Variants in EFHC2 observed in about 807,000 individuals in gnomAD.
EFHC2 encodes EF-hand domain-containing family member C2.
Under a neutral mutation model 52.7 loss-of-function variants are expected in EFHC2, and 18 were observed. The observed-to-expected ratio is 0.34, with a 90% CI of 0.24 to 0.51. The LOEUF (loss-of-function observed/expected upper bound fraction) is 0.51, where lower values mean the gene tolerates loss of function less well. EFHC2 is among the 20% of genes least tolerant of loss of function. The pLI is 0.97. For synonymous variants in EFHC2, 203 were observed against 204.1 expected (o/e 0.99, Z 0.04); for missense variants, 513 against 562.5 (o/e 0.91, Z 0.89).
intron 11 of EFHC2, among the ~76,000 whole-genome samples, chrX:44,195,706 T>TA (rs2147292132): frequency 9.0e-6 from 1 of 111,133 alleles, no homozygotes; most frequent in South Asian, 3.9e-4. Context: ...TATTTTCTTC[T>TA]AGGGAATACT....
At chrX:44,324,568 A>G (rs113984894) in intron 1 of EFHC2, among the ~76,000 whole-genome samples, 3,517 of 109,958 alleles carry the variant, frequency 0.032, 139 homozygotes, top group African/African-American at 0.11. Context: ...ACCCCTGCAT[A>G]CACACACACA....
chrX:44,328,009 T>A (rs143447406), intron 1 of EFHC2, among the ~76,000 whole-genome samples: 288 of 111,938 alleles, frequency 2.6e-3, no homozygotes, highest in African/African-American at 9.2e-3. Context: ...ATCTTTCTCA[T>A]AAGGCTATGA....
intron 14 of EFHC2, among the ~76,000 whole-genome samples, chrX:44,155,516 T>C (rs1449413825): frequency 8.9e-6 from 1 of 112,381 alleles, no homozygotes; most frequent in Non-Finnish European, 1.9e-5. Flanking sequence ...GGCCACCAGA[T>C]GCATGAGGGG....
chrX:44,284,912 A>G (rs966750423), intron 2 of EFHC2: 5 of 112,126 alleles, frequency 4.5e-5, no homozygotes, highest in African/African-American at 1.6e-4. Context: ...CTCTTCAGGG[A>G]GTGACTGGTC....
chrX:44,343,259 G>C (rs766804608), intron 1 of EFHC2, among the ~76,000 whole-genome samples: 1 of 111,568 alleles, frequency 9.0e-6, no homozygotes, highest in South Asian at 3.8e-4. Flanking sequence ...AAAGCACAGC[G>C]CCTGGCACAC....
At chrX:44,217,918 C>T (rs1438355273) in intron 11 of EFHC2, among the ~76,000 whole-genome samples, 1 of 111,766 alleles carries the variant, frequency 8.9e-6, no homozygotes, top group African/African-American at 3.3e-5. Flanking sequence ...GATTATTATG[C>T]ATTGCATGCC....
intron 1 of EFHC2, among the ~76,000 whole-genome samples, chrX:44,325,536 G>A (rs892259040): frequency 9.1e-6 from 1 of 109,736 alleles, no homozygotes; most frequent in Non-Finnish European, 1.9e-5. Flanking sequence ...AAATTGGAAG[G>A]GCAATTTTAT....
chrX:44,312,806 T>A, intron 1 of EFHC2, 50 bp from the exon 2 acceptor site: 1 of 1,051,656 alleles, frequency 9.5e-7, no homozygotes, highest in Non-Finnish European at 1.2e-6. Flanking sequence ...TCTTTATGAC[T>A]TTTCTAACCT....
At chrX:44,295,611 G>A (rs1393700266) in intron 2 of EFHC2, among the ~76,000 whole-genome samples, 1 of 110,937 alleles carries the variant, frequency 9.0e-6, no homozygotes, top group East Asian at 2.9e-4. Flanking sequence ...ATTGAAGGCA[G>A]GGATGCCTTC....
chrX:44,161,502 G>C (rs1183377292), intron 14 of EFHC2, among the ~76,000 whole-genome samples: 1 of 111,452 alleles, frequency 9.0e-6, no homozygotes, highest in Admixed American at 9.5e-5. Flanking sequence ...GCTGTGACTG[G>C]CAGGGAGGAA....
At chrX:44,327,604 T>C (rs959409667) in intron 1 of EFHC2, among the ~76,000 whole-genome samples, 11 of 111,611 alleles carry the variant, frequency 9.9e-5, no homozygotes, top group African/African-American at 3.6e-4. Context: ...TCATTTATTC[T>C]TTTCTTTTTT....
At chrX:44,178,129 TCACACACACACACACACACACACA>T (rs201977577) in intron 12 of EFHC2, among the ~76,000 whole-genome samples, 1 of 83,951 alleles carries the variant, frequency 1.2e-5, no homozygotes, top group South Asian at 6.2e-4. Context: ...AGATGCCATA[TCACACACACACACACACACACACA>T]CACACACACA....
chrX:44,186,813 C>T (rs1180699101), intron 11 of EFHC2, among the ~76,000 whole-genome samples: 1 of 110,853 alleles, frequency 9.0e-6, no homozygotes, highest in African/African-American at 3.3e-5. Context: ...TTTTTGAACA[C>T]ACACTTTAAA....
chrX:44,337,084 C>T (rs5905794), intron 1 of EFHC2, among the ~76,000 whole-genome samples: 10,307 of 111,321 alleles, frequency 0.093, 684 homozygotes, highest in African/African-American at 0.23. Flanking sequence ...AGTTTACAAC[C>T]TTTATTTAAA....
chrX:44,309,891 G>C lies in EFHC2; in HGVS notation c.231+2677C>G, dbSNP rs142250881. On this transcript the variant is annotated intron_variant, in intron 2 of 14. Coordinates refer to ENST00000420999, the MANE Select transcript of EFHC2 (RefSeq NM_025184.4). ...TCTTGACACAAGGCATCGTTCAATG[G>C]CATTGAAGAGAAATTCCCTTTCTTT... 8.9e-4 allele frequency: 1,015 copies of C among 1,137,044 alleles called. 11 individuals are homozygous for C. The African/African-American group carries it at 0.016, about 18-fold the overall frequency. The allele number at this position is 1,137,044 out of a possible 1,213,427, so 93.7% of individuals were successfully genotyped here.
intron 1 of EFHC2, among the ~76,000 whole-genome samples, chrX:44,322,358 A>T (rs1036912393): frequency 8.9e-6 from 1 of 112,517 alleles, no homozygotes; most frequent in African/African-American, 3.2e-5. Context: ...ATGAGCATCT[A>T]TCGAATGAAT....
chrX:44,176,838 C>T (rs1465996613), intron 12 of EFHC2, among the ~76,000 whole-genome samples: 1 of 111,890 alleles, frequency 8.9e-6, no homozygotes, highest in East Asian at 2.8e-4. Context: ...CACCTGGAAG[C>T]CCCAGCTGGG....
Position 44,272,774 on chromosome X carries a change from T to C in EFHC2, c.294A>G (p.Arg98=). The C allele has an allele frequency of 2.6e-6, 3 of 1,168,325 alleles. No individual in the cohort carries two copies. The highest frequency in any genetic ancestry group is 3.4e-6 in the Non-Finnish European group (3 of 872,078). ...AGAAGTAGATTTTATAGTATCTTAT[T>C]CTGTAGTTGGTTTGGCTTTTATCAA... ...EVLDKSQTNY[R]IRYYKIYFYP... is the part of the protein sequence containing the mutation. Residue 98 remains arginine (R), a synonymous_variant, in exon 3 of 15, where the codon AGA becomes AGG. Transcript: ENST00000420999.
chrX:44,155,382 C>G (rs1171845580), intron 14 of EFHC2, among the ~76,000 whole-genome samples: 1 of 111,886 alleles, frequency 8.9e-6, no homozygotes, highest in Admixed American at 9.5e-5. Flanking sequence ...CAGCAGCTGC[C>G]CAGTGAGAAC....
Sources: gnomAD v4.1 joint callset for allele counts (sites outside exome capture counted in the v4.1 genomes callset) on GRCh38, gnomAD v4.1.1 for gene constraint, MANE v1.5 for transcripts, NCBI Gene and HGNC (gene_info 2026-07-23, HGNC 2026-07-21) for gene names.